The following CYTIP variants were observed in gnomAD, a reference collection of about 807,000 sequenced individuals.
CYTIP encodes the protein cytohesin 1 interacting protein, also known as cytohesin-interacting protein.
A neutral mutation model predicts 43.8 loss-of-function variants in CYTIP; 26 were observed. The observed-to-expected ratio is 0.59, with a 90% CI of 0.44 to 0.82. CYTIP has a LOEUF of 0.82. CYTIP is among the 40% of genes least tolerant of loss of function. The pLI is 0.00. For missense variants in CYTIP, 426 were observed against 443.1 expected (o/e 0.96, Z 0.35); for synonymous variants, 162 against 162.9 (o/e 0.99, Z 0.04).
At position 157,443,997 on chromosome 2, in the gene CYTIP, T is replaced by C. The variant is rs1685957674; in HGVS notation, c.24A>G (p.Gln8=). The change falls in exon 1 of 8, where the codon CAA becomes CAG. Residue 8 remains glutamine, a synonymous_variant. Coordinates refer to ENST00000264192, the MANE Select transcript of CYTIP (RefSeq NM_004288.5). MSLQRLL[Q]HSSNGNLADF... is the part of the protein sequence containing the mutation. Reference sequence around the variant, plus strand: ...CCGCCAAATTGCCATTGCTGCTGTGTTGCAGGAGCCTTTGTAAAGACATTG... The same window carrying C: ...CCGCCAAATTGCCATTGCTGCTGTGCTGCAGGAGCCTTTGTAAAGACATTG... 5.6e-6 allele frequency: 9 copies of C among 1,614,084 alleles called. No individual in the cohort carries two copies. Among genetic ancestry groups the C allele is most frequent in the Non-Finnish European group, 7.6e-6 (9 of 1,179,930 alleles).
Position 157,444,059 on chromosome 2 carries a change from G to T in CYTIP, c.-39C>A, listed in dbSNP as rs2105150017. On this transcript the variant is annotated 5_prime_UTR_variant, in exon 1 of 8. Coordinates refer to ENST00000264192, the MANE Select transcript of CYTIP (RefSeq NM_004288.5). The stretch of plus-strand genomic sequence containing the variant: ...CACTCCAGCTAGCACATGGTTGAGT[G>T]GCCTTGCAGGATGGGGGAAGCTAAA... 1 of 1,597,012 alleles carries T rather than the reference G, an allele frequency of 6.3e-7. No individual in the cohort carries two copies. Among genetic ancestry groups the T allele is most frequent in the Non-Finnish European group, 8.6e-7 (1 of 1,168,984 alleles).
chr2:157,421,835 C>T (rs1261432270), intron 6 of CYTIP, among the ~76,000 whole-genome samples: 15 of 152,048 alleles, frequency 9.9e-5, no homozygotes, highest in Admixed American at 8.5e-4. Context: ...AAGAGTTAAA[C>T]GGAATCTCAT....
At chr2:157,430,143 A>G (rs155611) in intron 5 of CYTIP, among the ~76,000 whole-genome samples, 126,066 of 152,086 alleles carry the variant, frequency 0.83, 52,788 homozygotes, top group Middle Eastern at 0.93. Flanking sequence ...ACTAGAAGAG[A>G]AAAACAGGTG....
intron 6 of CYTIP, among the ~76,000 whole-genome samples, chr2:157,426,635 C>T (rs1332909672): frequency 6.6e-6 from 1 of 152,280 alleles, no homozygotes; most frequent in Admixed American, 6.5e-5. Context: ...TACCTGGTTG[C>T]TCTGCAAGGG....
At chr2:157,431,052 A>G in intron 3 of CYTIP, 90 bp from the exon 4 acceptor site, 1 of 1,029,050 alleles carries the variant, frequency 9.7e-7, no homozygotes, top group Non-Finnish European at 1.4e-6. Context: ...ATCATTAAGC[A>G]GTATAATAGG....
intron 1 of CYTIP, chr2:157,438,941 G>C (rs1344315517): frequency 2.4e-6 from 1 of 422,594 alleles, no homozygotes; most frequent in Non-Finnish European, 5.1e-6. Context: ...TCATCCAATC[G>C]GTCTTTTGAA....
In CYTIP at chr2:157,431,081, G is replaced by A. The variant is rs1685708380; in HGVS notation, c.280-119C>T. 25 of 753,840 alleles carry A rather than the reference G, an allele frequency of 3.3e-5. No individual in the cohort carries two copies. The South Asian group carries it at 5.2e-4, about 16-fold the overall frequency. The allele number at this position is 753,840 out of a possible 1,614,324, so 46.7% of individuals were successfully genotyped here. ...TAATAGGTAAGTTCAAAGGACAAAG[G>A]ATTTCCACTATAAACTAAATCAAGG... On this transcript the variant is annotated intron_variant, in intron 3 of 7. Transcript: ENST00000264192.
chr2:157,443,820 C>A, intron 1 of CYTIP, 27 bp downstream of exon 1: 1 of 1,611,946 alleles, frequency 6.2e-7, no homozygotes, highest in Non-Finnish European at 8.5e-7. Context: ...TGTGAACACT[C>A]TAAAGGGTAC....
intron 1 of CYTIP, among the ~76,000 whole-genome samples, chr2:157,443,213 G>A (rs1685943972): frequency 6.6e-6 from 1 of 152,060 alleles, no homozygotes; most frequent in African/African-American, 2.4e-5. Flanking sequence ...AACCCAATAA[G>A]GGTGGTTCTA....
In CYTIP at chr2:157,443,865, C is replaced by T; in HGVS notation, c.156G>A (p.Leu52=). ...ATCATACCTGCTTTCGTCCCCGAGG[C>T]AGAGTAGCCACCGTGTCTGCTAGCA... ...IQMLADTVAT[L]PRGRKQLALT... The change falls in exon 1 of 8, where the codon CTG becomes CTA. Residue 52 remains leucine (L), a synonymous_variant. Coordinates refer to ENST00000264192, the MANE Select transcript of CYTIP (RefSeq NM_004288.5). 6.2e-7 allele frequency: 1 copy of T among 1,614,074 alleles called. No homozygotes were observed. The highest frequency in any genetic ancestry group is 8.5e-7 in the Non-Finnish European group (1 of 1,179,946).
At chr2:157,439,871 T>C (rs1685876512) in intron 1 of CYTIP, among the ~76,000 whole-genome samples, 1 of 152,190 alleles carries the variant, frequency 6.6e-6, no homozygotes, top group Admixed American at 6.5e-5. Flanking sequence ...TTTCTTCTGC[T>C]CTGCAGTGAT....
rs1685497081 is a variant in CYTIP, at chr2:157,420,194, T to C, written c.547-1605A>G. 2.0e-5 allele frequency among the ~76,000 whole-genome samples: 3 copies of C among 152,052 alleles called. 1 individual carries two copies. The highest frequency in any genetic ancestry group is 2.1e-4 in the South Asian group (1 of 4,824). ...CTACAAATTTTTTTTTCTAATTAGC[T>C]GGGTATGGTGGTGCACACCAGTTCT... is the stretch of plus-strand genomic sequence containing the variant. On this transcript the variant is annotated intron_variant, in intron 6 of 7. Coordinates refer to ENST00000264192, the MANE Select transcript of CYTIP (RefSeq NM_004288.5).
At position 157,427,402 on chromosome 2, in the gene CYTIP, T is replaced by A. The variant is rs1054388251; in HGVS notation, c.495A>T (p.Gly165=). The A allele has an allele frequency of 2.5e-6, 4 of 1,608,612 alleles. No individual in the cohort carries two copies. Among genetic ancestry groups the A allele is most frequent in the Middle Eastern group, 1.7e-4 (1 of 6,054 alleles). The part of the protein sequence containing the change: ...GNLLTIETLN[G]TMILKRTELE... ...GCTCCGTTCTTTTCAGAATCATTGT[T>A]CCATTAAGAGTCTCTATCCTGTTTT... Residue 165 remains glycine, a synonymous_variant, in exon 6 of 8, where the codon GGA becomes GGT. Transcript: ENST00000264192.
intron 3 of CYTIP, among the ~76,000 whole-genome samples, chr2:157,431,823 G>A (rs1204389246): frequency 6.6e-6 from 1 of 152,090 alleles, no homozygotes; most frequent in Non-Finnish European, 1.5e-5. Flanking sequence ...ACTTCCTTGT[G>A]AAAAAATTGA....
chr2:157,433,581 G>A (rs181124558), intron 3 of CYTIP, among the ~76,000 whole-genome samples: 1 of 151,968 alleles, frequency 6.6e-6, no homozygotes, highest in East Asian at 1.9e-4. Context: ...CAAAAGACAT[G>A]CAAACGTACT....
At chr2:157,427,011 T>TG (rs1685621573) in intron 6 of CYTIP, among the ~76,000 whole-genome samples, 1 of 152,108 alleles carries the variant, frequency 6.6e-6, no homozygotes, top group African/African-American at 2.4e-5. Context: ...CCAACACACT[T>TG]GGGAAAATAA....
At chr2:157,428,965 T>TA (rs1374365276) in intron 5 of CYTIP, among the ~76,000 whole-genome samples, 1 of 152,194 alleles carries the variant, frequency 6.6e-6, no homozygotes, top group Admixed American at 6.5e-5. Context: ...GAGCAGGTGG[T>TA]CAAACCCCAG....
chr2:157,442,060 A>T (rs974397285), intron 1 of CYTIP, among the ~76,000 whole-genome samples: 10 of 152,186 alleles, frequency 6.6e-5, no homozygotes, highest in Non-Finnish European at 7.3e-5. Context: ...GTGTTGTTAC[A>T]CAAAAAAGTC....
chr2:157,436,526 G>A (rs1271688665), intron 1 of CYTIP, among the ~76,000 whole-genome samples: 1 of 151,512 alleles, frequency 6.6e-6, no homozygotes, highest in Non-Finnish European at 1.5e-5. Flanking sequence ...ATATTTTTAA[G>A]GTATTACTCT....
Sources: allele counts gnomAD v4.1 joint callset (sites outside exome capture counted in the v4.1 genomes callset), GRCh38; gene constraint gnomAD v4.1.1; transcripts MANE v1.5; gene names NCBI Gene and HGNC (gene_info 2026-07-23, HGNC 2026-07-21).